Variants in CTNNAL1 observed in about 807,000 individuals in gnomAD.
CTNNAL1 encodes alpha-catulin.
CTNNAL1 carries 69 observed loss-of-function variants against 93.6 expected under a neutral mutation model. The ratio of observed to expected loss-of-function variants is 0.74; its 90% CI spans 0.61 to 0.90. CTNNAL1 has a LOEUF of 0.90. CTNNAL1 is among the 40% of genes least tolerant of loss of function. The pLI is 0.00. For missense variants in CTNNAL1, 836 were observed against 862.0 expected (o/e 0.97, Z 0.38); for synonymous variants, 286 against 305.4 (o/e 0.94, Z 0.66).
intron 10 of CTNNAL1, among the ~76,000 whole-genome samples, chr9:108,967,434 A>G (rs890280323): frequency 6.6e-6 from 1 of 152,232 alleles, no homozygotes; most frequent in Non-Finnish European, 1.5e-5. Flanking sequence ...CCCACTACAT[A>G]CTAGTAGGCA....
At chr9:108,967,861 A>T (rs1831004212) in intron 10 of CTNNAL1, among the ~76,000 whole-genome samples, 21 of 152,216 alleles carry the variant, frequency 1.4e-4, no homozygotes, top group Admixed American at 1.4e-3. Context: ...GTCATTGGGG[A>T]ACTTACAGAA....
At chr9:109,000,536 A>G (rs1208675309) in intron 1 of CTNNAL1, among the ~76,000 whole-genome samples, 1 of 152,200 alleles carries the variant, frequency 6.6e-6, no homozygotes, top group Non-Finnish European at 1.5e-5. Flanking sequence ...TGTTATGTAC[A>G]AAATGTTAGG....
intron 14 of CTNNAL1, among the ~76,000 whole-genome samples, chr9:108,950,168 C>T (rs1830519095): frequency 6.6e-6 from 1 of 152,154 alleles, no homozygotes; most frequent in Non-Finnish European, 1.5e-5. Context: ...ATTTTCATCA[C>T]CATGGAAATA....
At chr9:108,973,799 G>C (rs1343670740) in intron 8 of CTNNAL1, among the ~76,000 whole-genome samples, 1 of 151,302 alleles carries the variant, frequency 6.6e-6, no homozygotes, top group African/African-American at 2.4e-5. Context: ...TGAATGAAGT[G>C]ATTTCTTTTT....
chr9:108,946,191 C>G (rs374942853), intron 15 of CTNNAL1, among the ~76,000 whole-genome samples: 1 of 151,024 alleles, frequency 6.6e-6, no homozygotes, highest in South Asian at 2.1e-4. Flanking sequence ...CCCAGCTACT[C>G]GGGAGGCTGA....
At chr9:108,954,931 C>G (rs1830654212) in intron 12 of CTNNAL1, among the ~76,000 whole-genome samples, 1 of 151,980 alleles carries the variant, frequency 6.6e-6, no homozygotes, top group Non-Finnish European at 1.5e-5. Flanking sequence ...TGTTGTTCTT[C>G]ACCACACTGT....
intron 1 of CTNNAL1, among the ~76,000 whole-genome samples, chr9:109,004,034 T>A (rs1826936444): frequency 6.6e-6 from 1 of 152,202 alleles, no homozygotes; most frequent in Non-Finnish European, 1.5e-5. Context: ...AGTATGCTAC[T>A]TTTGAGGGCA....
At chr9:108,943,069 T>G in intron 17 of CTNNAL1, 25 bp from the exon 18 acceptor site, 1 of 1,582,502 alleles carries the variant, frequency 6.3e-7, no homozygotes, top group Non-Finnish European at 8.6e-7. Flanking sequence ...AGCATGCAAA[T>G]GATATTCTAA....
rs1831839013 is a variant in CTNNAL1 at position 108,992,321 on chromosome 9, C to CA, written c.519+310dup. On this transcript the variant is annotated intron_variant, in intron 3 of 18. Transcript: ENST00000325551. ...AGAAACACTACTTTTAAACTACAGACAGAGTTATAAACAATTATAATAGAC... is the reference window on the plus strand; with the variant it reads ...AGAAACACTACTTTTAAACTACAGACAAGAGTTATAAACAATTATAATAGAC... Among the ~76,000 whole-genome samples the CA allele has an allele frequency of 2.0e-5, 3 of 151,952 alleles. No individual in the cohort carries two copies. The South Asian group carries it at 6.2e-4, about 32-fold the overall frequency.
In CTNNAL1 at chr9:108,983,194, T is replaced by C; in HGVS notation, c.851A>G (p.Glu284Gly). ...EIVTDCKPNG[E>G]TDISSISIFT... The stretch of plus-strand genomic sequence containing the variant: ...AATACTGATAGATGAAATGTCAGTC[T>C]CTCCATTCGGTTTACAGTCAGTCAC... The change falls in exon 6 of 19, where the codon GAG (glutamate) becomes GGG (glycine). Residue 284 changes from glutamate to glycine, a missense_variant. Transcript: ENST00000325551. 1 of 1,573,842 alleles carries C rather than the reference T, an allele frequency of 6.4e-7. No individual in the cohort carries two copies. The highest frequency in any genetic ancestry group is 8.6e-7 in the Non-Finnish European group (1 of 1,159,850).
In CTNNAL1 at chr9:108,965,400, AT is replaced by A; in HGVS notation, c.1568del (p.Asn523MetfsTer21). The A allele has an allele frequency of 2.0e-6, 3 of 1,532,818 alleles. No homozygotes were observed. Among genetic ancestry groups the A allele is most frequent in the Non-Finnish European group, 2.6e-6 (3 of 1,137,666 alleles). The allele number at this position is 1,532,818 out of a possible 1,614,324, so 95.0% of individuals were successfully genotyped here. On this transcript the variant is annotated frameshift_variant, in exon 11 of 19. Transcript: ENST00000325551. LOFTEE classifies it high-confidence loss of function. ...SDMSTLLREI[N>X]DVFEGRRGEK... ...CACCTCGTCTTCCTTCAAACACGTC[AT>A]TGATTTCTCTCAGCAGTGTTGACAT...
intron 10 of CTNNAL1, among the ~76,000 whole-genome samples, chr9:108,968,287 G>A (rs769036126): frequency 1.3e-5 from 2 of 152,178 alleles, no homozygotes; most frequent in Non-Finnish European, 2.9e-5. Context: ...CCTTTTGTGA[G>A]GCAGATGGCA....
chr9:108,962,677 T>A (rs1307965628), intron 11 of CTNNAL1, among the ~76,000 whole-genome samples: 1 of 152,182 alleles, frequency 6.6e-6, no homozygotes, highest in Non-Finnish European at 1.5e-5. Flanking sequence ...AGATTGAGAT[T>A]AAGTAAGAGA....
At chr9:108,972,611 A>G (rs1376319910) in intron 9 of CTNNAL1, 64 bp downstream of exon 9, 3 of 1,376,904 alleles carry the variant, frequency 2.2e-6, no homozygotes, top group Non-Finnish European at 3.0e-6. Flanking sequence ...TTGTGTTAAC[A>G]TTCCCACATA....
intron 11 of CTNNAL1, among the ~76,000 whole-genome samples, chr9:108,958,892 C>T (rs1351428032): frequency 6.6e-6 from 1 of 151,086 alleles, no homozygotes. Context: ...CACCACCACG[C>T]TCGGCTAATT....
At chr9:108,963,058 T>G (rs1830859802) in intron 11 of CTNNAL1, among the ~76,000 whole-genome samples, 1 of 152,156 alleles carries the variant, frequency 6.6e-6, no homozygotes, top group South Asian at 2.1e-4. Context: ...TTTTCTGTTT[T>G]AAGGAAAAAA....
At chr9:108,989,051 A>G (rs571882273) in intron 4 of CTNNAL1, among the ~76,000 whole-genome samples, 7 of 152,348 alleles carry the variant, frequency 4.6e-5, no homozygotes, top group Admixed American at 4.6e-4. Flanking sequence ...TAAATTGCTA[A>G]AAATAGATAC....
rs772071735 is a variant in CTNNAL1, at chr9:108,972,848, G to A, written c.1189-15C>T. ...GTACTATGAAGCTGCAGATGTGTGT[G>A]TGGGTGGGGGGGTGGGAGGGTGGAG... On this transcript the variant is annotated splice_polypyrimidine_tract_variant and intron_variant, in intron 8 of 18. Transcript: ENST00000325551. 4 of 1,438,472 alleles carry A rather than the reference G, an allele frequency of 2.8e-6. No individual in the cohort carries two copies. The highest frequency in any genetic ancestry group is 2.5e-5 in the East Asian group (1 of 40,466). The allele number at this position is 1,438,472 out of a possible 1,614,324, so 89.1% of individuals were successfully genotyped here. A position where few individuals can be genotyped will look rare whatever the true frequency, so the allele number is the denominator to read the frequency against.
At chr9:109,009,002 C>T (rs1827128026) in intron 1 of CTNNAL1, among the ~76,000 whole-genome samples, 1 of 150,106 alleles carries the variant, frequency 6.7e-6, no homozygotes, top group South Asian at 2.1e-4. Context: ...TCAAGCAATC[C>T]TCCCACCTCA....
Sources: gnomAD v4.1 joint callset for allele counts (sites outside exome capture counted in the v4.1 genomes callset) on GRCh38, gnomAD v4.1.1 for gene constraint, MANE v1.5 for transcripts, NCBI Gene and HGNC (gene_info 2026-07-23, HGNC 2026-07-21) for gene names.